The following TLN2 variants were observed in gnomAD, a reference collection of about 807,000 sequenced individuals.
The protein encoded by TLN2 is talin-2.
TLN2 carries 118 observed loss-of-function variants against 294.7 expected under a neutral mutation model. The ratio of observed to expected loss-of-function variants is 0.40; its 90% CI spans 0.34 to 0.47. The LOEUF (loss-of-function observed/expected upper bound fraction) is 0.47. TLN2 is among the 20% of genes least tolerant of loss of function. The pLI, the probability that TLN2 is intolerant of heterozygous loss-of-function variation, is 0.84. For missense variants in TLN2, 3,083 were observed against 3,282.2 expected, an observed-to-expected ratio of 0.94 and a Z score of 1.48; for synonymous variants, 1,431 against 1,304.5, an observed-to-expected ratio of 1.10 and a Z score of -2.09.
At position 62,840,774 on chromosome 15, in the gene TLN2, C is replaced by T. The variant is rs1389125373; in HGVS notation, c.*164C>T. 1.0e-5 allele frequency: 10 copies of T among 975,128 alleles called. No individual in the cohort carries two copies. In the Admixed American group the frequency reaches 2.1e-4, roughly 20 times the overall value. 60.4% of individuals were successfully genotyped at this position (975,128 alleles called of 1,614,324 possible). On this transcript the variant is annotated 3_prime_UTR_variant, in exon 59 of 59. Transcript: ENST00000636159. ...CACATCTCTGTCCCGTCGGCACTGGCTGCATGATCGTGATGTCACACGGTA... is the reference window on the plus strand; with the variant it reads ...CACATCTCTGTCCCGTCGGCACTGGTTGCATGATCGTGATGTCACACGGTA...
intron 2 of TLN2, among the ~76,000 whole-genome samples, chr15:62,608,520 GA>G (rs1431515845): frequency 6.6e-6 from 1 of 152,126 alleles, no homozygotes; most frequent in Non-Finnish European, 1.5e-5. Context: ...AGAGTAGGAG[GA>G]AAGCACAGGT....
At chr15:62,602,802 T>C (rs756748896) in intron 2 of TLN2, among the ~76,000 whole-genome samples, 1 of 151,980 alleles carries the variant, frequency 6.6e-6, no homozygotes, top group Admixed American at 6.6e-5. Context: ...TATCACAGTA[T>C]TGGGGATAAG....
At chr15:62,403,732 G>A (rs1387037118) in intron 1 of TLN2, among the ~76,000 whole-genome samples, 2 of 152,180 alleles carry the variant, frequency 1.3e-5, no homozygotes, top group Non-Finnish European at 2.9e-5. Context: ...CTTGCTGGAT[G>A]TTTCTTCCTG....
At chr15:62,714,448 C>T (rs1003010392) in intron 22 of TLN2, among the ~76,000 whole-genome samples, 6 of 151,906 alleles carry the variant, frequency 3.9e-5, no homozygotes, top group Admixed American at 1.3e-4. Context: ...GTGATCCACC[C>T]GCCTCGGCCT....
chr15:62,519,997 C>T (rs972519717), intron 1 of TLN2, among the ~76,000 whole-genome samples: 3 of 152,196 alleles, frequency 2.0e-5, no homozygotes, highest in Non-Finnish European at 4.4e-5. Flanking sequence ...GCACGTCTTA[C>T]GTGGCAGCAG....
chr15:62,664,257 C>A (rs977622823), intron 9 of TLN2, among the ~76,000 whole-genome samples: 2 of 151,454 alleles, frequency 1.3e-5, no homozygotes, highest in African/African-American at 2.4e-5. Context: ...AAAAGATCAC[C>A]CAGGATAGCA....
At chr15:62,508,989 C>G (rs2039785364) in intron 1 of TLN2, among the ~76,000 whole-genome samples, 1 of 152,184 alleles carries the variant, frequency 6.6e-6, no homozygotes, top group Non-Finnish European at 1.5e-5. Flanking sequence ...TAGTGTTTTA[C>G]TTATTTAGCT....
At chr15:62,498,153 CAAAAAAAA>C (rs538951284) in intron 1 of TLN2, among the ~76,000 whole-genome samples, 2 of 93,384 alleles carry the variant, frequency 2.1e-5, no homozygotes, top group African/African-American at 3.4e-5. Flanking sequence ...GACCCTGCCT[CAAAAAAAA>C]AAAAAAAAAA....
chr15:62,700,664 A>G (rs532318512), intron 16 of TLN2, among the ~76,000 whole-genome samples: 5 of 152,310 alleles, frequency 3.3e-5, no homozygotes, highest in African/African-American at 1.2e-4. Context: ...GGCATTTCCT[A>G]CATTGACAGA....
chr15:62,614,908 C>A (rs28573696), intron 2 of TLN2, among the ~76,000 whole-genome samples: 1 of 152,188 alleles, frequency 6.6e-6, no homozygotes, highest in Non-Finnish European at 1.5e-5. Flanking sequence ...CAGGTTCAAG[C>A]GATTCTCTAG....
intron 9 of TLN2, 40 bp downstream of exon 9, chr15:62,657,938 GTCT>G (rs1253060485): frequency 3.8e-6 from 6 of 1,576,140 alleles, no homozygotes; most frequent in Non-Finnish European, 5.2e-6. Flanking sequence ...CTTTTCTCCT[GTCT>G]TCTTTCTCTT....
At position 62,686,765 on chromosome 15, in the gene TLN2, G is replaced by T; in HGVS notation, c.1082G>T (p.Arg361Leu). The stretch of plus-strand genomic sequence containing the variant: ...GAGTGGCCCCTCACCACCGTCAAGC[G>T]CTGGGCAGCCTCACCCAAGAGCTTC... The part of the protein sequence containing the change: ...LQEWPLTTVK[R>L]WAASPKSFTL... Residue 361 changes from arginine (R) to leucine (L), a missense_variant, in exon 12 of 59, where the codon CGC becomes CTC. Physicochemically the swap from Arg to Leu is moderately radical, Grantham distance 102. Coordinates refer to ENST00000636159, the MANE Select transcript of TLN2 (RefSeq NM_015059.3). 6.2e-7 allele frequency: 1 copy of T among 1,613,480 alleles called. No homozygotes were observed. Among genetic ancestry groups the T allele is most frequent in the South Asian group, 1.1e-5 (1 of 91,042 alleles).
intron 55 of TLN2, chr15:62,833,836 G>A (rs889272663): frequency 6.9e-6 from 4 of 576,610 alleles, no homozygotes; most frequent in Non-Finnish European, 1.1e-5. Context: ...CCTCTCATCT[G>A]CTTCTTGTTA....
chr15:62,471,988 C>G (rs2037502955), intron 1 of TLN2, among the ~76,000 whole-genome samples: 1 of 152,160 alleles, frequency 6.6e-6, no homozygotes, highest in Non-Finnish European at 1.5e-5. Context: ...CTGCGCTTGA[C>G]ATTCTCCACT....
At chr15:62,522,972 A>T (rs1355389882) in intron 1 of TLN2, among the ~76,000 whole-genome samples, 1 of 139,100 alleles carries the variant, frequency 7.2e-6, no homozygotes, top group East Asian at 2.3e-4. Context: ...ACACACACAC[A>T]CACACACTCT....
chr15:62,796,255 G>A lies in TLN2; in HGVS notation c.6012G>A (p.Thr2004=), dbSNP rs769974914. Residue 2004 remains threonine, a synonymous_variant, in exon 47 of 59, where the codon ACG becomes ACA. Coordinates refer to ENST00000636159, the MANE Select transcript of TLN2 (RefSeq NM_015059.3). ...DTTIMFATAG[T]LNAENSETFA... ...CCATTATGTTTGCAACAGCGGGGAC[G>A]CTGAATGCAGAGAACAGTGAGACCT... 4.3e-6 allele frequency: 7 copies of A among 1,614,210 alleles called. No individual in the cohort carries two copies. Among genetic ancestry groups the A allele is most frequent in the African/African-American group, 1.3e-5 (1 of 75,066 alleles).
intron 11 of TLN2, among the ~76,000 whole-genome samples, chr15:62,676,729 C>T (rs1296732053): frequency 6.6e-6 from 1 of 152,192 alleles, no homozygotes; most frequent in Non-Finnish European, 1.5e-5. Flanking sequence ...ATTCTCCTGC[C>T]TCACCCTCCC....
intron 57 of TLN2, 141 bp from the exon 58 acceptor site, chr15:62,838,715 T>TA (rs2070140262): frequency 1.8e-6 from 2 of 1,081,778 alleles, no homozygotes; most frequent in Non-Finnish European, 2.6e-6. Context: ...GACAGATGGG[T>TA]ACTCTCTGGC....
intron 9 of TLN2, among the ~76,000 whole-genome samples, chr15:62,666,999 T>A (rs905588485): frequency 3.9e-5 from 6 of 152,156 alleles, no homozygotes; most frequent in African/African-American, 1.4e-4. Flanking sequence ...GGAGTCTCGC[T>A]CTGTCGCCCA....
Sources: allele counts gnomAD v4.1 joint callset (sites outside exome capture counted in the v4.1 genomes callset), GRCh38; gene constraint gnomAD v4.1.1; transcripts MANE v1.5; gene names NCBI Gene and HGNC (gene_info 2026-07-23, HGNC 2026-07-21).